The following PDGFRA variants were observed in gnomAD, a reference collection of about 807,000 sequenced individuals.
The protein encoded by PDGFRA is platelet-derived growth factor receptor alpha.
Under a neutral mutation model 121.5 loss-of-function variants are expected in PDGFRA, and 25 were observed. The ratio of observed to expected loss-of-function variants is 0.21; its 90% confidence interval spans 0.15 to 0.29. The LOEUF (loss-of-function observed/expected upper bound fraction) is 0.29, where lower values mean the gene tolerates loss of function less well. PDGFRA is among the 10% of genes least tolerant of loss of function. The pLI is 1.00. For missense variants in PDGFRA, 1,008 were observed against 1,345.1 expected, an observed-to-expected ratio of 0.75 and a Z score of 3.92; for synonymous variants, 463 against 494.8, an observed-to-expected ratio of 0.94 and a Z score of 0.85.
chr4:54,280,287 G>C lies in PDGFRA; in HGVS notation c.2157-29G>C, dbSNP rs746520843. On this transcript the variant is annotated intron_variant, in intron 15 of 22. Transcript: ENST00000257290. ...AATGACCACTTCAGAAGGGCACCCT[G>C]GGTAAGATTTCTCTTTCTGTTTTTA... The C allele has an allele frequency of 4.4e-6, 7 of 1,603,944 alleles. No homozygotes were observed. The South Asian group carries it at 7.7e-5, about 18-fold the overall frequency.
At chr4:54,250,086 AT>A (rs1338219373) in intron 1 of PDGFRA, among the ~76,000 whole-genome samples, 1 of 152,192 alleles carries the variant, frequency 6.6e-6, no homozygotes, top group African/African-American at 2.4e-5. Context: ...TTCATGTATT[AT>A]TACAAGATAA....
intron 2 of PDGFRA, 142 bp from the exon 3 acceptor site, chr4:54,260,953 C>G: frequency 4.3e-6 from 3 of 702,692 alleles, no homozygotes; most frequent in Non-Finnish European, 2.4e-6. Flanking sequence ...AATGGGGGAG[C>G]TTTCATGGGC....
chr4:54,275,333 C>T (rs73252950), intron 12 of PDGFRA, among the ~76,000 whole-genome samples: 20,266 of 152,134 alleles, frequency 0.13, 1,516 homozygotes, highest in South Asian at 0.23. Context: ...AGGACAACCA[C>T]AAAATGTATT....
chr4:54,253,355 G>T (rs980307647), intron 1 of PDGFRA, among the ~76,000 whole-genome samples: 18 of 152,228 alleles, frequency 1.2e-4, no homozygotes, highest in Non-Finnish European at 1.6e-4. Flanking sequence ...CTTCCTAGAA[G>T]AGACTGAGGT....
intron 1 of PDGFRA, among the ~76,000 whole-genome samples, chr4:54,247,842 T>G (rs558599357): frequency 8.5e-4 from 129 of 152,276 alleles, no homozygotes; most frequent in African/African-American, 3.0e-3. Context: ...CAGCCCAAAA[T>G]CTCCTGAAGC....
At chr4:54,291,574 T>C (rs1052495207) in intron 22 of PDGFRA, among the ~76,000 whole-genome samples, 1 of 152,194 alleles carries the variant, frequency 6.6e-6, no homozygotes, top group African/African-American at 2.4e-5. Context: ...AGAACCGTGA[T>C]GAGATACCAT....
intron 1 of PDGFRA, among the ~76,000 whole-genome samples, chr4:54,249,732 A>G (rs1048582719): frequency 3.3e-5 from 5 of 152,100 alleles, no homozygotes; most frequent in Admixed American, 3.3e-4. Flanking sequence ...ACATGTATAC[A>G]TATGTAACTA....
rs1200828369 is a variant in PDGFRA at position 54,297,389 on chromosome 4, T to G, written c.*2117T>G. 3 of 233,632 alleles carry G rather than the reference T, an allele frequency of 1.3e-5. No homozygotes were observed. The highest frequency in any genetic ancestry group is 2.5e-5 in the Non-Finnish European group (3 of 118,060). 14.5% of individuals were successfully genotyped at this position (233,632 alleles called of 1,614,324 possible). A position where few individuals can be genotyped will look rare whatever the true frequency, so the allele number is the denominator to read the frequency against. The stretch of plus-strand genomic sequence containing the variant: ...ACTTTTTCATAGTAAGTGCGAAGAC[T>G]GAGCCAGATTGGCCAATTAAAAACG... On this transcript the variant is annotated 3_prime_UTR_variant, in exon 23 of 23. Transcript: ENST00000257290.
At position 54,243,879 on chromosome 4, in the gene PDGFRA, G is replaced by A. The variant is rs369651283; in HGVS notation, c.-13+14464G>A. On this transcript the variant is annotated intron_variant, in intron 1 of 22. Coordinates refer to ENST00000257290, the MANE Select transcript of PDGFRA (RefSeq NM_006206.6). ...TCCCACCCCAATACTGCGCTTTTCC[G>A]ACGGGCTTAAAAAAAGGCACACCAG... Among the ~76,000 whole-genome samples, 21 of 152,276 alleles carry A rather than the reference G, an allele frequency of 1.4e-4. No homozygotes were observed. The East Asian group carries it at 1.9e-3, about 14-fold the overall frequency.
chr4:54,281,813 T>G, intron 16 of PDGFRA: 1 of 1,254,178 alleles, frequency 8.0e-7, no homozygotes. Flanking sequence ...TGGGACTAAC[T>G]GGGGAAAGTG....
intron 16 of PDGFRA, 35 bp downstream of exon 16, chr4:54,280,517 C>T: frequency 6.5e-7 from 1 of 1,545,490 alleles, no homozygotes; most frequent in Non-Finnish European, 8.9e-7. Context: ...GGTGTTGGGA[C>T]TTTCCAGTGG....
intron 1 of PDGFRA, among the ~76,000 whole-genome samples, chr4:54,256,707 G>A (rs1420586653): frequency 7.3e-5 from 11 of 151,704 alleles, no homozygotes; most frequent in African/African-American, 1.5e-4. Flanking sequence ...CACAAGATAC[G>A]GGTGATAAAG....
At chr4:54,264,474 T>C in intron 4 of PDGFRA, 1 of 250,322 alleles carries the variant, frequency 4.0e-6, no homozygotes, top group Non-Finnish European at 7.7e-6. Context: ...TGCCAGGCAC[T>C]GTGCTAGGTT....
At chr4:54,243,426 G>A (rs1202685625) in intron 1 of PDGFRA, 1 of 152,212 alleles carries the variant, frequency 6.6e-6, no homozygotes, top group East Asian at 1.9e-4. Flanking sequence ...TGCCAGTATA[G>A]TTTTTTATTT....
intron 3 of PDGFRA, among the ~76,000 whole-genome samples, chr4:54,262,963 G>A (rs894834035): frequency 3.3e-5 from 5 of 152,304 alleles, no homozygotes; most frequent in Middle Eastern, 3.4e-3. Flanking sequence ...TCATGCAGAC[G>A]TAGGGGCCCT....
chr4:54,230,335 G>C (rs1720592702), intron 1 of PDGFRA: 2 of 152,218 alleles, frequency 1.3e-5, no homozygotes, highest in African/African-American at 2.4e-5. Context: ...TTGGCCCTGA[G>C]TGAAGAAGTC....
At chr4:54,287,573 T>G in intron 19 of PDGFRA, 32 bp downstream of exon 19, 3 of 879,798 alleles carry the variant, frequency 3.4e-6, no homozygotes, top group Non-Finnish European at 5.9e-6. Flanking sequence ...TTATTTGGGC[T>G]GTTCTGAAAC....
chr4:54,267,249 G>T, intron 5 of PDGFRA, 40 bp from the exon 6 acceptor site: 1 of 1,599,148 alleles, frequency 6.3e-7, no homozygotes, highest in South Asian at 1.1e-5. Flanking sequence ...TCCTAGGAGC[G>T]AGCTTTTTAA....
intron 1 of PDGFRA, 96 bp from the exon 2 acceptor site, chr4:54,258,661 G>T (rs1287387771): frequency 1.2e-6 from 1 of 815,552 alleles, no homozygotes; most frequent in Non-Finnish European, 2.2e-6. Flanking sequence ...AAATGATGCT[G>T]TTAATATTTT....
Sources: allele counts gnomAD v4.1 joint callset (sites outside exome capture counted in the v4.1 genomes callset), GRCh38; gene constraint gnomAD v4.1.1; transcripts MANE v1.5; gene names NCBI Gene and HGNC (gene_info 2026-07-23, HGNC 2026-07-21).